The following HIVEP3 variants were observed in gnomAD, a reference collection of about 807,000 sequenced individuals.
HIVEP3 encodes the protein HIVEP zinc finger 3, also known as transcription factor HIVEP3.
A neutral mutation model predicts 152.8 loss-of-function variants in HIVEP3; 49 were observed. The observed-to-expected ratio is 0.32, with a 90% CI of 0.26 to 0.41. HIVEP3 has a LOEUF of 0.41. Ranked by LOEUF, HIVEP3 falls within the 10% of genes least tolerant of loss-of-function variation. HIVEP3 has a pLI of 1.00. For missense variants in HIVEP3, 2,790 were observed against 3,103.3 expected, an observed-to-expected ratio of 0.90 and a Z score of 2.40; for synonymous variants, 1,269 against 1,289.0, an observed-to-expected ratio of 0.98 and a Z score of 0.33.
At position 41,583,993 on chromosome 1, in the gene HIVEP3, G is replaced by A. The variant is rs763763928; in HGVS notation, c.805C>T (p.Pro269Ser). Residue 269 changes from proline (P) to serine (S), a missense_variant, in exon 4 of 9, where the codon CCT (proline) becomes TCT (serine). Pro to Ser is a moderately conservative substitution (Grantham distance 74, BLOSUM62 -1). This residue lies in a region of HIVEP3 where 125 missense variants were observed against 130.1 expected (regional missense o/e 0.96). Transcript: ENST00000372583. The surrounding 1 kb of genome is among the most constrained non-coding windows in gnomAD (Gnocchi z 6.9). ...YPHGLEMERI[P>S]GEEFEEPTEG... is the part of the protein sequence containing the mutation. The stretch of plus-strand genomic sequence containing the variant: ...GTGGGCTCCTCAAACTCTTCCCCAG[G>A]GATCCGCTCCATCTCCAGCCCATGT... The A allele has an allele frequency of 4.2e-5, 67 of 1,614,044 alleles. No individual in the cohort carries two copies. Among genetic ancestry groups the A allele is most frequent in the Non-Finnish European group, 4.7e-5 (56 of 1,180,030 alleles).
At chr1:41,656,112 C>T (rs1396409140) in intron 2 of HIVEP3, among the ~76,000 whole-genome samples, 4 of 152,142 alleles carry the variant, frequency 2.6e-5, no homozygotes, top group African/African-American at 9.7e-5. Flanking sequence ...AGTGGCTCTG[C>T]CAATTAGAAA....
At chr1:41,666,143 A>G (rs201095825) in intron 2 of HIVEP3, among the ~76,000 whole-genome samples, 11 of 144,400 alleles carry the variant, frequency 7.6e-5, no homozygotes, top group South Asian at 2.2e-4. Context: ...GTGTGTGTGT[A>G]TGTGTGTGTG....
intron 5 of HIVEP3, among the ~76,000 whole-genome samples, chr1:41,528,294 TC>T (rs1643081550): frequency 3.1e-5 from 1 of 32,004 alleles, no homozygotes; most frequent in Admixed American, 3.6e-4. Flanking sequence ...ACCCCCACAC[TC>T]ACCCTCACAC....
At chr1:41,789,305 G>A (rs1355887951) in intron 1 of HIVEP3, among the ~76,000 whole-genome samples, 2 of 152,192 alleles carry the variant, frequency 1.3e-5, no homozygotes, top group Non-Finnish European at 2.9e-5. Context: ...TTCCTCATCT[G>A]TAAAATGGGG....
At chr1:41,888,957 C>CCA (rs147686165) in intron 1 of HIVEP3, among the ~76,000 whole-genome samples, 24 of 134,050 alleles carry the variant, frequency 1.8e-4, no homozygotes, top group East Asian at 8.3e-4. Flanking sequence ...ACCACACATG[C>CCA]CACACACACA....
chr1:41,579,927 G>A lies in HIVEP3; in HGVS notation c.4871C>T (p.Ser1624Phe), dbSNP rs766992176. ...PNHIQHADRRSSVYAGWCISL... is the reference protein window; with the variant it reads ...PNHIQHADRRFSVYAGWCISL... ...TATGCACCAACCAGCGTAAACAGAGGACCTCCTATCTGCATGCTGGATGTG... is the reference window on the plus strand; with the variant it reads ...TATGCACCAACCAGCGTAAACAGAGAACCTCCTATCTGCATGCTGGATGTG... Residue 1624 changes from serine to phenylalanine, a missense_variant, in exon 4 of 9, where the codon TCC (serine) becomes TTC (phenylalanine). Coordinates refer to ENST00000372583, the MANE Select transcript of HIVEP3 (RefSeq NM_024503.5). The A allele has an allele frequency of 6.2e-7, 1 of 1,614,216 alleles. No homozygotes were observed. The highest frequency in any genetic ancestry group is 8.5e-7 in the Non-Finnish European group (1 of 1,180,030).
At chr1:41,945,732 A>G (rs1245162709) in intron 1 of HIVEP3, among the ~76,000 whole-genome samples, 4 of 152,218 alleles carry the variant, frequency 2.6e-5, no homozygotes, top group Non-Finnish European at 5.9e-5. Flanking sequence ...ACTAGGAAGA[A>G]GCCCATGAAT....
At chr1:41,903,456 T>C (rs1644658304) in intron 1 of HIVEP3, among the ~76,000 whole-genome samples, 1 of 152,252 alleles carries the variant, frequency 6.6e-6, no homozygotes, top group Admixed American at 6.5e-5. Flanking sequence ...AGTATGGTGC[T>C]GATGAATGCA....
intron 1 of HIVEP3, among the ~76,000 whole-genome samples, chr1:42,018,152 T>C (rs1158343441): frequency 6.6e-6 from 1 of 151,982 alleles, no homozygotes; most frequent in African/African-American, 2.4e-5. Context: ...TTTGTAGTTA[T>C]TTATAGTATC....
chr1:41,984,363 A>C (rs1645310286), intron 1 of HIVEP3, among the ~76,000 whole-genome samples: 2 of 152,228 alleles, frequency 1.3e-5, no homozygotes, highest in African/African-American at 4.8e-5. Context: ...AGGGCTATTC[A>C]ATAACAACAT....
chr1:41,930,747 C>G (rs374973222), intron 1 of HIVEP3, among the ~76,000 whole-genome samples: 136 of 152,238 alleles, frequency 8.9e-4, no homozygotes, highest in African/African-American at 3.1e-3. Context: ...TGAAAGAGTT[C>G]CAGAGGCTCT....
At chr1:41,859,817 T>G (rs1643864553) in intron 1 of HIVEP3, among the ~76,000 whole-genome samples, 2 of 152,216 alleles carry the variant, frequency 1.3e-5, no homozygotes, top group African/African-American at 4.8e-5. Context: ...ATTTGCCTTG[T>G]TCCTCTTGCG....
chr1:41,985,351 G>A (rs1046236583), intron 1 of HIVEP3, among the ~76,000 whole-genome samples: 3 of 152,168 alleles, frequency 2.0e-5, no homozygotes, highest in African/African-American at 7.2e-5. Context: ...GAGACTGGGT[G>A]GCTTATAAAC....
chr1:41,705,237 C>T (rs1379071390), intron 1 of HIVEP3, among the ~76,000 whole-genome samples: 1 of 152,240 alleles, frequency 6.6e-6, no homozygotes, highest in African/African-American at 2.4e-5. Context: ...TCTTTCCCTT[C>T]CCACCATGTT....
chr1:42,023,781 A>G (rs1290326941), intron 1 of HIVEP3, among the ~76,000 whole-genome samples: 1 of 152,234 alleles, frequency 6.6e-6, no homozygotes, highest in Non-Finnish European at 1.5e-5. Flanking sequence ...TTCCAGAACC[A>G]TGAACCAATG....
chr1:41,942,082 A>G (rs1352328950), intron 1 of HIVEP3, among the ~76,000 whole-genome samples: 1 of 152,214 alleles, frequency 6.6e-6, no homozygotes, highest in African/African-American at 2.4e-5. Flanking sequence ...GGTTTATCCA[A>G]CTGTGGCTGT....
At chr1:41,787,912 G>T (rs146454780) in intron 1 of HIVEP3, among the ~76,000 whole-genome samples, 2,250 of 152,192 alleles carry the variant, frequency 0.015, 22 homozygotes, top group Non-Finnish European at 0.019. Context: ...ATGTGGGGAG[G>T]GGGGTGTGGA....
intron 5 of HIVEP3, among the ~76,000 whole-genome samples, chr1:41,549,580 A>T (rs1017435765): frequency 9.8e-5 from 15 of 152,312 alleles, no homozygotes; most frequent in African/African-American, 3.4e-4. Flanking sequence ...CTGGTGTGAG[A>T]TGGTATCTCA....
At chr1:41,691,993 C>T (rs1175837712) in intron 2 of HIVEP3, among the ~76,000 whole-genome samples, 3 of 151,766 alleles carry the variant, frequency 2.0e-5, no homozygotes, top group African/African-American at 4.8e-5. Context: ...TACAGGCCTG[C>T]GCCACCATGC....
Sources: gnomAD v4.1 joint callset for allele counts (sites outside exome capture counted in the v4.1 genomes callset) on GRCh38, gnomAD v4.1.1 for gene constraint, gnomAD v4.1.1 regional missense constraint, Gnocchi (gnomAD v3.1) non-coding constraint, MANE v1.5 for transcripts, NCBI Gene and HGNC (gene_info 2026-07-23, HGNC 2026-07-21) for gene names.